ST6GALNAC5: variants seen among roughly 807,000 people sequenced by gnomAD.
ST6GALNAC5 encodes the protein alpha-N-acetylgalactosaminide alpha-2,6-sialyltransferase 5.
ST6GALNAC5 carries 27 observed loss-of-function variants against 33.6 expected under a neutral mutation model. That is an observed-to-expected ratio of 0.80 (90% confidence interval 0.59 to 1.11). ST6GALNAC5 has a LOEUF of 1.11. Ranked by LOEUF, ST6GALNAC5 falls within the 50% of genes least tolerant of loss-of-function variation. The pLI, the probability that ST6GALNAC5 is intolerant of heterozygous loss-of-function variation, is 0.00. For missense variants in ST6GALNAC5, 428 were observed against 454.0 expected (o/e 0.94, Z 0.52); for synonymous variants, 194 against 171.2 (o/e 1.13, Z -1.04).
intron 2 of ST6GALNAC5, among the ~76,000 whole-genome samples, chr1:76,910,280 T>C (rs561671960): frequency 1.5e-4 from 23 of 152,202 alleles, no homozygotes; most frequent in African/African-American, 5.3e-4. Flanking sequence ...TTGCATCTTA[T>C]TATATAATTT....
intron 2 of ST6GALNAC5, among the ~76,000 whole-genome samples, chr1:77,040,902 G>T (rs1231668463): frequency 6.6e-6 from 1 of 152,196 alleles, no homozygotes; most frequent in Admixed American, 6.5e-5. Context: ...CTCAGTGAAG[G>T]TCTTTAGAAT....
At chr1:76,963,214 G>A (rs1439237839) in intron 2 of ST6GALNAC5, among the ~76,000 whole-genome samples, 1 of 152,176 alleles carries the variant, frequency 6.6e-6, no homozygotes, top group African/African-American at 2.4e-5. Flanking sequence ...ATTAAAGAAT[G>A]TGGCTAAAGG....
chr1:76,990,997 G>A (rs1255426225), intron 2 of ST6GALNAC5, among the ~76,000 whole-genome samples: 2 of 152,122 alleles, frequency 1.3e-5, no homozygotes, highest in Non-Finnish European at 2.9e-5. Context: ...GCTATAGGCT[G>A]TAGAAGGAGG....
chr1:76,883,771 T>A (rs528014970), intron 2 of ST6GALNAC5, among the ~76,000 whole-genome samples: 4 of 152,338 alleles, frequency 2.6e-5, no homozygotes, highest in African/African-American at 9.6e-5. Context: ...ATTCCCTCAT[T>A]TATTAAATAA....
At position 76,868,773 on chromosome 1, in the gene ST6GALNAC5, C is replaced by T; in HGVS notation, c.261+31C>T. On this transcript the variant is annotated intron_variant, in intron 2 of 4. Coordinates refer to ENST00000477717, the MANE Select transcript of ST6GALNAC5 (RefSeq NM_030965.3). The surrounding 1 kb of genome is among the most constrained non-coding windows in gnomAD (Gnocchi z 4.3). Reference sequence around the variant, plus strand: ...AGCATGCCCGCCAGCCCGCTCGCCACTCAGCCTGGGGATCCCGCACACCTG... The same window carrying T: ...AGCATGCCCGCCAGCCCGCTCGCCATTCAGCCTGGGGATCCCGCACACCTG... 4.8e-6 allele frequency: 7 copies of T among 1,466,440 alleles called. No individual in the cohort carries two copies. Among genetic ancestry groups the T allele is most frequent in the Non-Finnish European group, 6.3e-6 (7 of 1,114,680 alleles). 90.8% of individuals were successfully genotyped at this position (1,466,440 alleles called of 1,614,324 possible). A position where few individuals can be genotyped will look rare whatever the true frequency, so the allele number is the denominator to read the frequency against.
chr1:77,051,544 A>G (rs1468688006), intron 4 of ST6GALNAC5, among the ~76,000 whole-genome samples: 1 of 152,166 alleles, frequency 6.6e-6, no homozygotes, highest in Non-Finnish European at 1.5e-5. Context: ...CGTGGATGTG[A>G]TAGTAATAGA....
In ST6GALNAC5 at chr1:77,064,129, G is replaced by C. The variant is rs1347817299; in HGVS notation, c.*923G>C. 1.3e-5 allele frequency: 2 copies of C among 151,976 alleles called. No individual in the cohort carries two copies. Among genetic ancestry groups the C allele is most frequent in the Admixed American group, 1.3e-4 (2 of 15,246 alleles). The allele number at this position is 151,976 out of a possible 1,614,324, so 9.4% of individuals were successfully genotyped here. ...TCTCTTGAGCCCTAGTTTCCTTTTT[G>C]GCAGAATGATGTCACTGTACCAGAC... On this transcript the variant is annotated 3_prime_UTR_variant, in exon 5 of 5. Transcript: ENST00000477717.
intron 2 of ST6GALNAC5, among the ~76,000 whole-genome samples, chr1:76,973,600 T>C (rs1042256948): frequency 5.9e-5 from 9 of 152,158 alleles, no homozygotes; most frequent in Non-Finnish European, 1.0e-4. Context: ...CCCAGTCAAA[T>C]TGACACATAA....
Position 76,933,423 on chromosome 1 carries a change from A to C in ST6GALNAC5, c.261+64681A>C, listed in dbSNP as rs1393653. 3.9e-3 allele frequency among the ~76,000 whole-genome samples: 593 copies of C among 152,162 alleles called. 10 individuals are homozygous for C. Among genetic ancestry groups the C allele is most frequent in the Admixed American group, 0.032 (492 of 15,244 alleles). On this transcript the variant is annotated intron_variant, in intron 2 of 4. Coordinates refer to ENST00000477717, the MANE Select transcript of ST6GALNAC5 (RefSeq NM_030965.3). ...AAAAGGAAAGGGAGTGAACCTGAAA[A>C]TAAACAAATATAATATGTTTTAAAA...
intron 2 of ST6GALNAC5, among the ~76,000 whole-genome samples, chr1:76,957,990 CTT>C (rs1648073119): frequency 6.6e-6 from 1 of 152,010 alleles, no homozygotes; most frequent in African/African-American, 2.4e-5. Flanking sequence ...AGCCAGTTGA[CTT>C]TGAGAATGTA....
At chr1:77,019,970 T>C (rs766316014) in intron 2 of ST6GALNAC5, among the ~76,000 whole-genome samples, 2 of 152,202 alleles carry the variant, frequency 1.3e-5, no homozygotes, top group Non-Finnish European at 2.9e-5. Flanking sequence ...GCCAACACAC[T>C]ACTTTAGCAA....
intron 2 of ST6GALNAC5, among the ~76,000 whole-genome samples, chr1:77,025,255 G>C (rs1421209357): frequency 1.3e-5 from 2 of 152,196 alleles, no homozygotes; most frequent in Non-Finnish European, 2.9e-5. Flanking sequence ...ATGGATCATG[G>C]AGCCCGTGTG....
intron 2 of ST6GALNAC5, among the ~76,000 whole-genome samples, chr1:76,989,837 C>T (rs1282198632): frequency 6.6e-6 from 1 of 152,068 alleles, no homozygotes; most frequent in East Asian, 1.9e-4. Flanking sequence ...ACACCTTTGC[C>T]AGCAAGGGGT....
intron 2 of ST6GALNAC5, among the ~76,000 whole-genome samples, chr1:77,036,168 G>T (rs1651638615): frequency 6.6e-6 from 1 of 152,040 alleles, no homozygotes; most frequent in Non-Finnish European, 1.5e-5. Flanking sequence ...AGACACAAAA[G>T]ACTATATATT....
intron 2 of ST6GALNAC5, among the ~76,000 whole-genome samples, chr1:76,877,145 G>A (rs2100917496): frequency 6.6e-6 from 1 of 152,276 alleles, no homozygotes; most frequent in South Asian, 2.1e-4. Context: ...TTCCACCAAA[G>A]CCCAGTAACA....
intron 2 of ST6GALNAC5, among the ~76,000 whole-genome samples, chr1:76,908,838 A>G (rs1033859327): frequency 3.3e-5 from 5 of 152,172 alleles, no homozygotes; most frequent in Non-Finnish European, 7.4e-5. Flanking sequence ...TTAATGAATG[A>G]ATAAATAGAT....
At chr1:76,974,074 A>C (rs1361389897) in intron 2 of ST6GALNAC5, among the ~76,000 whole-genome samples, 1 of 152,136 alleles carries the variant, frequency 6.6e-6, no homozygotes, top group Non-Finnish European at 1.5e-5. Flanking sequence ...CTAAAATGCC[A>C]TGTGCCATAC....
intron 2 of ST6GALNAC5, among the ~76,000 whole-genome samples, chr1:77,036,990 C>G (rs377531912): frequency 6.6e-6 from 1 of 152,042 alleles, no homozygotes; most frequent in Non-Finnish European, 1.5e-5. Context: ...TGAGGTAACA[C>G]GTGGAAAAGT....
At chr1:77,006,762 C>T (rs985469868) in intron 2 of ST6GALNAC5, among the ~76,000 whole-genome samples, 1 of 152,208 alleles carries the variant, frequency 6.6e-6, no homozygotes, top group African/African-American at 2.4e-5. Flanking sequence ...ATTTATTTAG[C>T]TCACAATTAT....
Sources: allele counts gnomAD v4.1 joint callset (sites outside exome capture counted in the v4.1 genomes callset), GRCh38; gene constraint gnomAD v4.1.1; non-coding constraint Gnocchi (gnomAD v3.1); transcripts MANE v1.5; gene names NCBI Gene and HGNC (gene_info 2026-07-23, HGNC 2026-07-21).